The following RABEPK variants were observed in gnomAD, a reference collection of about 807,000 sequenced individuals.
RABEPK encodes Rab9 effector protein with kelch motifs, also known as 40 kDa Rab9 effector protein.
RABEPK carries 27 observed loss-of-function variants against 34.1 expected under a neutral mutation model. The ratio of observed to expected loss-of-function variants is 0.79; its 90% CI spans 0.58 to 1.09. RABEPK has a LOEUF of 1.09. Ranked by LOEUF, RABEPK falls within the 50% of genes least tolerant of loss-of-function variation. The probability of loss-of-function intolerance (pLI) is 0.00; values close to 1 mark genes in which losing one functional copy is unlikely to be tolerated. For missense variants in RABEPK, 449 were observed against 462.6 expected (o/e 0.97, Z 0.27); for synonymous variants, 172 against 169.2 (o/e 1.02, Z -0.13).
chr9:125,211,896 G>C (rs539343169), intron 3 of RABEPK, among the ~76,000 whole-genome samples: 1 of 152,070 alleles, frequency 6.6e-6, no homozygotes, highest in Non-Finnish European at 1.5e-5. Context: ...TTGAACCTGG[G>C]AGGCAGAGGT....
intron 3 of RABEPK, among the ~76,000 whole-genome samples, chr9:125,213,153 A>G (rs770707521): frequency 5.3e-5 from 8 of 152,202 alleles, no homozygotes; most frequent in Non-Finnish European, 7.3e-5. Context: ...TGGTTGACAA[A>G]GTGGGGACAG....
At chr9:125,204,933 C>G (rs1830125446) in intron 2 of RABEPK, among the ~76,000 whole-genome samples, 1 of 152,104 alleles carries the variant, frequency 6.6e-6, no homozygotes, top group Non-Finnish European at 1.5e-5. Context: ...CCTCAAGTAA[C>G]CTTCCCATCT....
Position 125,203,059 on chromosome 9 carries a change from G to C in RABEPK, c.46G>C (p.Ala16Pro). 1.2e-6 allele frequency: 2 copies of C among 1,613,276 alleles called. No homozygotes were observed. The highest frequency in any genetic ancestry group is 1.7e-6 in the Non-Finnish European group (2 of 1,179,410). ...GGAACCTGGAGACAAGCCCAGGAAA[G>C]CAACATGGTCTGTAAGGAAGGATCC... ...VLEPGDKPRK[A>P]TWYTLTVPGD... is the part of the protein sequence containing the mutation. Residue 16 changes from alanine to proline, a missense_variant, in exon 2 of 8, where the codon GCA (alanine) becomes CCA (proline). Coordinates refer to ENST00000373538, the MANE Select transcript of RABEPK (RefSeq NM_005833.4).
At chr9:125,203,444 C>T (rs1830027345) in intron 2 of RABEPK, among the ~76,000 whole-genome samples, 2 of 152,172 alleles carry the variant, frequency 1.3e-5, no homozygotes, top group South Asian at 4.1e-4. Context: ...TATTCAACAA[C>T]TAACATTGGC....
Position 125,234,062 on chromosome 9 carries a change from C to T in RABEPK, c.*82C>T. 7.6e-7 allele frequency: 1 copy of T among 1,310,510 alleles called. No individual in the cohort carries two copies. The highest frequency in any genetic ancestry group is 1.4e-5 in the South Asian group (1 of 70,994). The allele number at this position is 1,310,510 out of a possible 1,614,324, so 81.2% of individuals were successfully genotyped here. On this transcript the variant is annotated 3_prime_UTR_variant, in exon 8 of 8. Coordinates refer to ENST00000373538, the MANE Select transcript of RABEPK (RefSeq NM_005833.4). ...TAGCTGTTTTATACCTCCAAAATAT[C>T]TTCTGCATTATATATCTGTTTTTCT...
chr9:125,217,319 TCAA>T (rs1449989167), intron 4 of RABEPK, among the ~76,000 whole-genome samples: 1 of 152,210 alleles, frequency 6.6e-6, no homozygotes, highest in African/African-American at 2.4e-5. Flanking sequence ...CTTTTGATTT[TCAA>T]CAATGGTATC....
chr9:125,210,839 G>GTTTTTT (rs201607797), intron 3 of RABEPK, among the ~76,000 whole-genome samples: 1 of 135,478 alleles, frequency 7.4e-6, no homozygotes. Flanking sequence ...TTAATCTTAA[G>GTTTTTT]TTTTGTTTTT....
At chr9:125,207,862 A>C in intron 3 of RABEPK, 141 bp downstream of exon 3, 2 of 1,042,710 alleles carry the variant, frequency 1.9e-6, no homozygotes, top group Non-Finnish European at 2.8e-6. Flanking sequence ...GTGGTGGCTC[A>C]CGCCTCTAAT....
intron 6 of RABEPK, 121 bp from the exon 7 acceptor site, chr9:125,232,475 A>C: frequency 8.6e-7 from 1 of 1,160,800 alleles, no homozygotes; most frequent in Non-Finnish European, 1.2e-6. Context: ...ATGTGCACTA[A>C]ACCTCTCAGA....
chr9:125,201,347 C>CA (rs963685384), intron 1 of RABEPK, among the ~76,000 whole-genome samples: 1 of 152,042 alleles, frequency 6.6e-6, no homozygotes, highest in Non-Finnish European at 1.5e-5. Context: ...ACAAGAACAG[C>CA]AAAAAAACCA....
At chr9:125,212,090 CAACCATCTGGACCTCAGTGCTCTAT>C (rs1830626978) in intron 3 of RABEPK, among the ~76,000 whole-genome samples, 2 of 152,336 alleles carry the variant, frequency 1.3e-5, no homozygotes, top group East Asian at 3.9e-4. Flanking sequence ...TACACCATCT[CAACCATCTGGACCTCAGTGCTCTAT>C]AAAGTAGGGA....
chr9:125,233,865 AC>A lies in RABEPK; in HGVS notation c.1005del (p.His335GlnfsTer22). 6.2e-7 allele frequency: 1 copy of A among 1,614,194 alleles called. No homozygotes were observed. Among genetic ancestry groups the A allele is most frequent in the Non-Finnish European group, 8.5e-7 (1 of 1,180,020 alleles). On this transcript the variant is annotated frameshift_variant, in exon 8 of 8. Coordinates refer to ENST00000373538, the MANE Select transcript of RABEPK (RefSeq NM_005833.4). LOFTEE classifies it high-confidence loss of function. ...GATTCAGCTGACAAAGTAATGAGCC[AC>A]AGTGGTGACTCACATGAGGAAAGCC... The part of the protein sequence containing the change: ...KEDSADKVMS[H>X]SGDSHEESQT...
chr9:125,208,231 G>A (rs1046413709), intron 3 of RABEPK, among the ~76,000 whole-genome samples: 5 of 152,102 alleles, frequency 3.3e-5, no homozygotes, highest in Non-Finnish European at 5.9e-5. Context: ...CTTGTTTAGC[G>A]GGAGAGAACC....
intron 6 of RABEPK, among the ~76,000 whole-genome samples, chr9:125,228,492 A>G (rs1486102370): frequency 6.6e-6 from 1 of 151,674 alleles, no homozygotes; most frequent in Non-Finnish European, 1.5e-5. Context: ...CCCCGTGTCT[A>G]CTAAAAATAC....
Position 125,200,543 on chromosome 9 carries a change from G to T in RABEPK, c.-370G>T. On this transcript the variant is annotated 5_prime_UTR_variant, in exon 1 of 8. Coordinates refer to ENST00000373538, the MANE Select transcript of RABEPK (RefSeq NM_005833.4). ...ACCTAAGCCCCGCCCCTCCGGGGTGGAGTCACGGCTCGCGACTGGCCTAAG... is the reference window on the plus strand; with the variant it reads ...ACCTAAGCCCCGCCCCTCCGGGGTGTAGTCACGGCTCGCGACTGGCCTAAG... The T allele has an allele frequency of 2.6e-6, 1 of 380,542 alleles. No homozygotes were observed. 23.6% of individuals were successfully genotyped at this position (380,542 alleles called of 1,614,324 possible).
chr9:125,234,073 T>C lies in RABEPK; in HGVS notation c.*93T>C. The C allele has an allele frequency of 7.9e-7, 1 of 1,269,504 alleles. No individual in the cohort carries two copies. The highest frequency in any genetic ancestry group is 1.1e-6 in the Non-Finnish European group (1 of 908,350). The allele number at this position is 1,269,504 out of a possible 1,614,324, so 78.6% of individuals were successfully genotyped here. A position where few individuals can be genotyped will look rare whatever the true frequency, so the allele number is the denominator to read the frequency against. On this transcript the variant is annotated 3_prime_UTR_variant, in exon 8 of 8. Transcript: ENST00000373538. ...TACCTCCAAAATATCTTCTGCATTA[T>C]ATATCTGTTTTTCTCCTACTTTGGT...
chr9:125,206,508 AAG>A (rs925233437), intron 2 of RABEPK, among the ~76,000 whole-genome samples: 1 of 151,818 alleles, frequency 6.6e-6, no homozygotes, highest in Non-Finnish European at 1.5e-5. Context: ...AAAAAAAAAA[AAG>A]AGAGAGAGAG....
chr9:125,232,689 T>A lies in RABEPK; in HGVS notation c.770T>A (p.Ile257Asn), dbSNP rs1270148283. The change falls in exon 7 of 8, where the codon ATC becomes AAC. Residue 257 changes from isoleucine to asparagine, a missense_variant. Transcript: ENST00000373538. Reference protein sequence around the residue: ...SAVAMGKHVYIFGGMTPAGAL... With the variant: ...SAVAMGKHVYNFGGMTPAGAL... ...GTGGCCATGGGAAAACATGTGTACATCTTTGGTGGAATGACTCCTGCAGGA... is the reference window on the plus strand; with the variant it reads ...GTGGCCATGGGAAAACATGTGTACAACTTTGGTGGAATGACTCCTGCAGGA... The A allele has an allele frequency of 6.2e-7, 1 of 1,613,990 alleles. No homozygotes were observed. Among genetic ancestry groups the A allele is most frequent in the Non-Finnish European group, 8.5e-7 (1 of 1,179,996 alleles).
chr9:125,223,405 A>G (rs964871676), intron 5 of RABEPK, among the ~76,000 whole-genome samples: 21 of 152,078 alleles, frequency 1.4e-4, no homozygotes, highest in Non-Finnish European at 2.8e-4. Context: ...GCAGTGAGCT[A>G]AGATCACGCC....
Sources: gnomAD v4.1 joint callset for allele counts (sites outside exome capture counted in the v4.1 genomes callset) on GRCh38, gnomAD v4.1.1 for gene constraint, MANE v1.5 for transcripts, NCBI Gene and HGNC (gene_info 2026-07-23, HGNC 2026-07-21) for gene names.